The following WWOX variants were observed in gnomAD, a reference collection of about 807,000 sequenced individuals.
The protein encoded by WWOX is WW domain containing oxidoreductase, also known as WW domain-containing oxidoreductase.
A neutral mutation model predicts 46.2 loss-of-function variants in WWOX; 69 were observed. The observed-to-expected ratio is 1.49, with a 90% confidence interval of 1.23 to 1.82. The LOEUF (loss-of-function observed/expected upper bound fraction) is 1.82, where lower values mean the gene tolerates loss of function less well. Among genes scored for constraint, WWOX ranks in the 40% most tolerant of loss-of-function variants. WWOX has a pLI of 0.00. For missense variants in WWOX, 919 were observed against 542.6 expected (o/e 1.69, Z -6.89); for synonymous variants, 359 against 202.6 (o/e 1.77, Z -6.56).
At chr16:79,210,533 T>C (rs2051693180) in intron 8 of WWOX, among the ~76,000 whole-genome samples, 6 of 152,174 alleles carry the variant, frequency 3.9e-5, no homozygotes, top group Admixed American at 3.9e-4. Flanking sequence ...CGAGCTTATC[T>C]TCAGTTACCT....
At chr16:78,606,676 G>A (rs982376628) in intron 8 of WWOX, among the ~76,000 whole-genome samples, 10 of 149,428 alleles carry the variant, frequency 6.7e-5, no homozygotes, top group Non-Finnish European at 1.2e-4. Flanking sequence ...TGTGAAGCCA[G>A]CCCGATTAGG....
intron 8 of WWOX, among the ~76,000 whole-genome samples, chr16:78,800,953 G>GA (rs10591219): frequency 0.28 from 42,770 of 151,248 alleles, 6,656 homozygotes; most frequent in African/African-American, 0.4. Context: ...TCGAAAAACA[G>GA]AAAAAAAAAG....
rs2037033588 is a variant in WWOX at position 78,225,767 on chromosome 16, C to T, written c.516+61478C>T. Among the ~76,000 whole-genome samples, 3 of 152,132 alleles carry T rather than the reference C, an allele frequency of 2.0e-5. No individual in the cohort carries two copies. In the South Asian group the frequency reaches 6.2e-4, roughly 32 times the overall value. Reference sequence around the variant, plus strand: ...CTGTGCTTCAATGTAATTATTCCACCTTAATGCATGAAATATTAGGTTAAC... The same window carrying T: ...CTGTGCTTCAATGTAATTATTCCACTTTAATGCATGAAATATTAGGTTAAC... On this transcript the variant is annotated intron_variant, in intron 5 of 8. Transcript: ENST00000566780.
chr16:78,951,381 A>AGTG (rs2046056543), intron 8 of WWOX, among the ~76,000 whole-genome samples: 1 of 152,144 alleles, frequency 6.6e-6, no homozygotes, highest in African/African-American at 2.4e-5. Flanking sequence ...ATTGGCCCTC[A>AGTG]GTGGGTCACA....
intron 8 of WWOX, among the ~76,000 whole-genome samples, chr16:78,650,283 A>G (rs1052256499): frequency 5.9e-5 from 9 of 152,248 alleles, no homozygotes; most frequent in Non-Finnish European, 1.3e-4. Flanking sequence ...ATGAAGAAGT[A>G]TGTGTATCCG....
chr16:79,196,984 G>A (rs2051253228), intron 8 of WWOX, among the ~76,000 whole-genome samples: 1 of 152,134 alleles, frequency 6.6e-6, no homozygotes, highest in African/African-American at 2.4e-5. Flanking sequence ...ACCTGCAGAG[G>A]TGCTGCAGTA....
intron 5 of WWOX, chr16:78,179,890 T>G (rs564792743): frequency 6.6e-6 from 1 of 152,322 alleles, no homozygotes; most frequent in Admixed American, 6.5e-5. Flanking sequence ...TGGTAAATAT[T>G]TACTGAGTGA....
chr16:78,408,410 G>A (rs1470318155), intron 6 of WWOX, among the ~76,000 whole-genome samples: 4 of 152,152 alleles, frequency 2.6e-5, no homozygotes, highest in Non-Finnish European at 5.9e-5. Flanking sequence ...TTCAGGTAGG[G>A]GAACCACCCC....
chr16:79,191,345 C>T (rs1015437033), intron 8 of WWOX, among the ~76,000 whole-genome samples: 2 of 152,068 alleles, frequency 1.3e-5, no homozygotes, highest in African/African-American at 4.8e-5. Context: ...CGTGAGCCAG[C>T]GCGCCCAGCC....
At position 78,532,488 on chromosome 16, in the gene WWOX, T is replaced by G. The variant is rs947531715; in HGVS notation, c.1056+99736T>G. On this transcript the variant is annotated intron_variant, in intron 8 of 8. Transcript: ENST00000566780. ...ATTTTTTTTAAGGATTGATACTAGC[T>G]AGGGTGTTGATAAGAAACAGCAGGC... Among the ~76,000 whole-genome samples, 4 of 152,130 alleles carry G rather than the reference T, an allele frequency of 2.6e-5. No individual in the cohort carries two copies. The East Asian group carries it at 7.7e-4, about 29-fold the overall frequency.
intron 8 of WWOX, among the ~76,000 whole-genome samples, chr16:78,854,526 A>G (rs911509609): frequency 2.0e-5 from 3 of 152,214 alleles, no homozygotes; most frequent in Non-Finnish European, 4.4e-5. Context: ...CACCCCTGGA[A>G]CATAAAAATT....
At chr16:79,207,698 A>T (rs988649481) in intron 8 of WWOX, among the ~76,000 whole-genome samples, 1 of 152,190 alleles carries the variant, frequency 6.6e-6, no homozygotes, top group Admixed American at 6.5e-5. Flanking sequence ...AAATAGAAAA[A>T]CCTGAAAGCA....
At chr16:79,210,190 C>G (rs2051675092) in intron 8 of WWOX, among the ~76,000 whole-genome samples, 1 of 152,180 alleles carries the variant, frequency 6.6e-6, no homozygotes, top group African/African-American at 2.4e-5. Context: ...AGTTTTCAGA[C>G]CAACTCCATT....
chr16:78,229,351 C>G (rs1162646277), intron 5 of WWOX, among the ~76,000 whole-genome samples: 1 of 150,876 alleles, frequency 6.6e-6, no homozygotes, highest in Non-Finnish European at 1.5e-5. Context: ...TTCTTTTTAA[C>G]TCTAGTTAAA....
chr16:79,209,622 G>A (rs1249466276), intron 8 of WWOX, among the ~76,000 whole-genome samples: 2 of 152,172 alleles, frequency 1.3e-5, no homozygotes, highest in Non-Finnish European at 2.9e-5. Flanking sequence ...AAGGTAAAAT[G>A]AAAATATATG....
intron 8 of WWOX, among the ~76,000 whole-genome samples, chr16:78,774,149 T>G (rs111593680): frequency 2.0e-5 from 3 of 152,110 alleles, no homozygotes; most frequent in African/African-American, 7.2e-5. Context: ...ATCCCTGCAA[T>G]CCCAGTACTT....
At chr16:78,416,474 G>A (rs1362875479) in intron 6 of WWOX, among the ~76,000 whole-genome samples, 1 of 152,170 alleles carries the variant, frequency 6.6e-6, no homozygotes, top group African/African-American at 2.4e-5. Context: ...TGCCTCTGGA[G>A]TTGTGCAATT....
At chr16:78,177,083 C>G (rs573492769) in intron 5 of WWOX, among the ~76,000 whole-genome samples, 1 of 152,234 alleles carries the variant, frequency 6.6e-6, no homozygotes, top group African/African-American at 2.4e-5. Context: ...TGCAGTTACT[C>G]CAGGAGATTT....
chr16:78,593,052 T>A (rs2045388514), intron 8 of WWOX, among the ~76,000 whole-genome samples: 1 of 152,174 alleles, frequency 6.6e-6, no homozygotes, highest in Non-Finnish European at 1.5e-5. Flanking sequence ...CCAATGTGTC[T>A]AGGCAAATAC....
Sources: gnomAD v4.1 joint callset for allele counts (sites outside exome capture counted in the v4.1 genomes callset) on GRCh38, gnomAD v4.1.1 for gene constraint, MANE v1.5 for transcripts, NCBI Gene and HGNC (gene_info 2026-07-23, HGNC 2026-07-21) for gene names.